Variants in RRM2B observed in about 807,000 individuals in gnomAD.
The protein encoded by RRM2B is ribonucleoside-diphosphate reductase subunit M2 B.
RRM2B carries 20 observed loss-of-function variants against 45.9 expected under a neutral mutation model. The observed-to-expected ratio is 0.44, with a 90% confidence interval of 0.31 to 0.63. The LOEUF is 0.63. Ranked by LOEUF, RRM2B falls within the 30% of genes least tolerant of loss-of-function variation. RRM2B has a pLI of 0.09. For missense variants in RRM2B, 320 were observed against 414.7 expected, an observed-to-expected ratio of 0.77 and a Z score of 1.98; for synonymous variants, 124 against 132.3, an observed-to-expected ratio of 0.94 and a Z score of 0.43.
intron 2 of RRM2B, among the ~76,000 whole-genome samples, chr8:102,229,712 G>A (rs1355397433): frequency 6.6e-6 from 1 of 152,060 alleles, no homozygotes; most frequent in Non-Finnish European, 1.5e-5. Context: ...AACCTCCTGA[G>A]TAGCTGGGAT....
chr8:102,208,668 T>C (rs1810583958), intron 8 of RRM2B, among the ~76,000 whole-genome samples: 1 of 152,204 alleles, frequency 6.6e-6, no homozygotes, highest in South Asian at 2.1e-4. Context: ...CTATAAAATG[T>C]TAAATTAGCA....
intron 8 of RRM2B, among the ~76,000 whole-genome samples, chr8:102,209,171 G>A (rs558367587): frequency 1.3e-5 from 2 of 152,042 alleles, no homozygotes; most frequent in African/African-American, 4.8e-5. Context: ...AATTCAAGAA[G>A]CAGACTTGGA....
At chr8:102,238,595 C>T (rs1811167402) in intron 1 of RRM2B, 8 of 1,527,056 alleles carry the variant, frequency 5.2e-6, no homozygotes, top group Admixed American at 2.0e-5. Context: ...CCTTGGCTGG[C>T]CCCGGGGCAG....
chr8:102,219,212 AAAC>A (rs1810785960), intron 5 of RRM2B, among the ~76,000 whole-genome samples: 1 of 152,224 alleles, frequency 6.6e-6, no homozygotes, highest in Non-Finnish European at 1.5e-5. Flanking sequence ...TCCATACTCA[AAAC>A]AAGAGGTGAT....
intron 8 of RRM2B, among the ~76,000 whole-genome samples, chr8:102,211,958 C>T (rs1488790756): frequency 6.6e-6 from 1 of 152,104 alleles, no homozygotes; most frequent in East Asian, 1.9e-4. Flanking sequence ...CATAAGGATT[C>T]TCATTAAAGA....
At chr8:102,225,174 G>A (rs983182448) in intron 3 of RRM2B, among the ~76,000 whole-genome samples, 156 bp from the exon 4 acceptor site, 1 of 151,478 alleles carries the variant, frequency 6.6e-6, no homozygotes, top group African/African-American at 2.4e-5. Context: ...CAGTATCCTA[G>A]GCAGTACTGT....
In RRM2B at chr8:102,212,803, T is replaced by C. The variant is rs199988486; in HGVS notation, c.876A>G (p.Arg292=). ...MKQYIEFVAD[R]LLVELGFSKV... is the part of the protein sequence containing the mutation. ...TTGAGAATCCAAGTTCCACAAGTAA[T>C]CTGTCAGCTACAAACTCAATGTACT... The change falls in exon 8 of 9, where the codon AGA becomes AGG. Residue 292 remains arginine, a synonymous_variant. Transcript: ENST00000251810. The C allele has an allele frequency of 1.2e-6, 2 of 1,602,808 alleles. No individual in the cohort carries two copies. Among genetic ancestry groups the C allele is most frequent in the Non-Finnish European group, 1.7e-6 (2 of 1,169,992 alleles).
chr8:102,214,880 A>G (rs1810699957), intron 6 of RRM2B, among the ~76,000 whole-genome samples: 1 of 151,282 alleles, frequency 6.6e-6, no homozygotes. Context: ...AGCAGATATG[A>G]TCTTACAGAT....
chr8:102,226,037 G>T lies in RRM2B; in HGVS notation c.205-3C>A. 1 of 1,571,566 alleles carries T rather than the reference G, an allele frequency of 6.4e-7. No homozygotes were observed. The highest frequency in any genetic ancestry group is 8.8e-7 in the Non-Finnish European group (1 of 1,141,678). ...GGGAGATCCTTTGATAAGTCGACCT[G>T]GAATAAAAAGATTTTCAAAAATTTT... On this transcript the variant is annotated splice_region_variant and splice_polypyrimidine_tract_variant and intron_variant, in intron 2 of 8. Coordinates refer to ENST00000251810, the MANE Select transcript of RRM2B (RefSeq NM_015713.5).
At chr8:102,219,010 TACAC>T in intron 5 of RRM2B, 63 bp from the exon 6 acceptor site, 2 of 1,443,106 alleles carry the variant, frequency 1.4e-6, no homozygotes, top group Non-Finnish European at 1.9e-6. Flanking sequence ...TATATATATA[TACAC>T]ATATATAACA....
In RRM2B at chr8:102,238,658, G is replaced by A. The variant is rs775900765; in HGVS notation, c.48+169C>T. 103 of 1,537,368 alleles carry A rather than the reference G, an allele frequency of 6.7e-5. No homozygotes were observed. The highest frequency in any genetic ancestry group is 8.6e-5 in the Non-Finnish European group (99 of 1,146,750). ...TCAGCTCCTTCCTCCGCCCTCCCCG[G>A]GGACGGCCTCCCCGGCGCTCGCAAC... On this transcript the variant is annotated intron_variant, in intron 1 of 8. Transcript: ENST00000251810.
At position 102,228,818 on chromosome 8, in the gene RRM2B, C is replaced by T. The variant is rs556820331; in HGVS notation, c.205-2784G>A. On this transcript the variant is annotated intron_variant, in intron 2 of 8. Coordinates refer to ENST00000251810, the MANE Select transcript of RRM2B (RefSeq NM_015713.5). ...GCCAGCTAGCTCCAGCATGCGCATT[C>T]CAGTTCCCACCCACGAAGGGATCGG... Among the ~76,000 whole-genome samples, 3 of 152,374 alleles carry T rather than the reference C, an allele frequency of 2.0e-5. No individual in the cohort carries two copies. In the East Asian group the frequency reaches 5.8e-4, roughly 29 times the overall value.
intron 5 of RRM2B, among the ~76,000 whole-genome samples, chr8:102,223,259 G>A (rs1038811173): frequency 6.6e-6 from 1 of 152,036 alleles, no homozygotes; most frequent in East Asian, 1.9e-4. Flanking sequence ...CAGCCAGAAG[G>A]GTGTTTGCAT....
rs555821162 is a variant in RRM2B, at chr8:102,214,933, A to G, written c.685-775T>C. Among the ~76,000 whole-genome samples the G allele has an allele frequency of 2.0e-5, 3 of 149,716 alleles. No homozygotes were observed. The South Asian group carries it at 6.4e-4, about 32-fold the overall frequency. On this transcript the variant is annotated intron_variant, in intron 6 of 8. Coordinates refer to ENST00000251810, the MANE Select transcript of RRM2B (RefSeq NM_015713.5). Reference sequence around the variant, plus strand: ...AAATAAACTTGTGAAATACCCGAGTATGGTTATACAAATGCAATAGAATCT... The same window carrying G: ...AAATAAACTTGTGAAATACCCGAGTGTGGTTATACAAATGCAATAGAATCT...
chr8:102,222,643 C>G (rs1434592032), intron 5 of RRM2B, among the ~76,000 whole-genome samples: 2 of 152,162 alleles, frequency 1.3e-5, no homozygotes, highest in Admixed American at 1.3e-4. Context: ...CCGTAATAAT[C>G]TGAAAAGCTA....
intron 5 of RRM2B, among the ~76,000 whole-genome samples, chr8:102,222,518 C>A (rs2132552909): frequency 6.6e-6 from 1 of 152,238 alleles, no homozygotes; most frequent in South Asian, 2.1e-4. Context: ...ATCCACAGAC[C>A]CAGGAGACCT....
chr8:102,211,424 T>C (rs1383984871), intron 8 of RRM2B, among the ~76,000 whole-genome samples: 1 of 152,238 alleles, frequency 6.6e-6, no homozygotes, highest in Admixed American at 6.5e-5. Flanking sequence ...CTCAGATATT[T>C]TGAAGCCTGT....
chr8:102,218,185 C>T (rs1011282557), intron 6 of RRM2B, among the ~76,000 whole-genome samples: 3 of 152,060 alleles, frequency 2.0e-5, no homozygotes, highest in African/African-American at 7.2e-5. Context: ...GAGTTATGAG[C>T]ATTTAGATGG....
rs1215992252 is a variant in RRM2B, at chr8:102,238,607, G to A, written c.48+220C>T. ...CGTCCTTGGCTGGCCCCGGGGCAGA[G>A]CAGCGAGCGGGACGCAAACCCAAAG... On this transcript the variant is annotated intron_variant, in intron 1 of 8. Transcript: ENST00000251810. The A allele has an allele frequency of 3.3e-6, 5 of 1,528,618 alleles. No individual in the cohort carries two copies. In the Admixed American group the frequency reaches 9.9e-5, roughly 30 times the overall value. 94.7% of individuals were successfully genotyped at this position (1,528,618 alleles called of 1,614,324 possible).
Sources: allele counts gnomAD v4.1 joint callset (sites outside exome capture counted in the v4.1 genomes callset), GRCh38; gene constraint gnomAD v4.1.1; transcripts MANE v1.5; gene names NCBI Gene and HGNC (gene_info 2026-07-23, HGNC 2026-07-21).